Variants in FSIP1 observed in about 807,000 individuals in gnomAD.
The protein encoded by FSIP1 is fibrous sheath interacting protein 1.
In FSIP1, 65 loss-of-function variants were observed where a neutral mutation model predicts 60.9. That is an observed-to-expected ratio of 1.07 (90% CI 0.87 to 1.31). FSIP1 has a LOEUF of 1.31. Among genes scored for constraint, FSIP1 ranks in the 40% most tolerant of loss-of-function variants. The probability of loss-of-function intolerance (pLI) is 0.00; values close to 1 mark genes in which losing one functional copy is unlikely to be tolerated. For synonymous variants in FSIP1, 209 were observed against 221.2 expected, an observed-to-expected ratio of 0.94 and a Z score of 0.49; for missense variants, 675 against 665.5, an observed-to-expected ratio of 1.01 and a Z score of -0.16.
chr15:39,614,669 T>C (rs572173086), intron 11 of FSIP1, among the ~76,000 whole-genome samples: 104 of 149,058 alleles, frequency 7.0e-4, no homozygotes, highest in African/African-American at 2.3e-3. Context: ...AAAAAGAAGA[T>C]GTACCATATT....
At chr15:39,732,590 G>A (rs922418306) in intron 8 of FSIP1, among the ~76,000 whole-genome samples, 3 of 137,590 alleles carry the variant, frequency 2.2e-5, no homozygotes, top group Admixed American at 8.0e-5. Context: ...TTGCACTCCA[G>A]TGTGGGTGAC....
At chr15:39,635,245 G>A (rs751470956) in intron 10 of FSIP1, among the ~76,000 whole-genome samples, 5 of 151,890 alleles carry the variant, frequency 3.3e-5, no homozygotes, top group African/African-American at 4.8e-5. Context: ...TGAGGCAGGA[G>A]AATCGCTTGA....
At chr15:39,771,268 A>T (rs910440482) in intron 2 of FSIP1, among the ~76,000 whole-genome samples, 3 of 152,174 alleles carry the variant, frequency 2.0e-5, no homozygotes, top group Non-Finnish European at 2.9e-5. Context: ...TCAGAAGTTA[A>T]CACAGCCCAA....
intron 10 of FSIP1, among the ~76,000 whole-genome samples, chr15:39,656,087 T>C (rs1022631161): frequency 4.6e-5 from 7 of 151,958 alleles, no homozygotes; most frequent in African/African-American, 1.7e-4. Context: ...GGGGAAGACA[T>C]GAATAGGTTT....
At chr15:39,652,093 A>G (rs1047627287) in intron 10 of FSIP1, among the ~76,000 whole-genome samples, 1 of 152,166 alleles carries the variant, frequency 6.6e-6, no homozygotes, top group African/African-American at 2.4e-5. Flanking sequence ...CAGCTGTGTG[A>G]CTCTGAGTGG....
At chr15:39,692,471 C>A (rs1029314457) in intron 10 of FSIP1, among the ~76,000 whole-genome samples, 7 of 152,054 alleles carry the variant, frequency 4.6e-5, no homozygotes, top group African/African-American at 1.7e-4. Context: ...AAATACAGAG[C>A]ACTTTAGGAA....
chr15:39,627,155 G>T (rs1343854099), intron 10 of FSIP1, among the ~76,000 whole-genome samples: 1 of 152,202 alleles, frequency 6.6e-6, no homozygotes, highest in African/African-American at 2.4e-5. Context: ...ACATTACACT[G>T]CTCAACGTGA....
At chr15:39,763,714 A>G in intron 5 of FSIP1, 107 bp downstream of exon 5, 1 of 666,844 alleles carries the variant, frequency 1.5e-6, no homozygotes, top group Non-Finnish European at 2.7e-6. Flanking sequence ...AGAACAGTCA[A>G]ACTCACAAAG....
At chr15:39,611,979 A>C (rs1891054010) in intron 11 of FSIP1, among the ~76,000 whole-genome samples, 1 of 152,216 alleles carries the variant, frequency 6.6e-6, no homozygotes, top group Non-Finnish European at 1.5e-5. Flanking sequence ...AATTGTAAAC[A>C]TATACACACC....
At chr15:39,694,831 G>GATAT (rs201447597) in intron 10 of FSIP1, among the ~76,000 whole-genome samples, 28 of 151,110 alleles carry the variant, frequency 1.9e-4, no homozygotes, top group African/African-American at 6.8e-4. Context: ...ATAAAAAAAA[G>GATAT]ATATATATAT....
chr15:39,619,382 G>A (rs1482238420), intron 10 of FSIP1, among the ~76,000 whole-genome samples: 1 of 152,082 alleles, frequency 6.6e-6, no homozygotes, highest in African/African-American at 2.4e-5. Context: ...TGAGTATGAG[G>A]ATAATAAGAA....
intron 10 of FSIP1, among the ~76,000 whole-genome samples, chr15:39,621,056 TA>T (rs369925726): frequency 0.14 from 18,468 of 134,738 alleles, 1,279 homozygotes; most frequent in Non-Finnish European, 0.17. Flanking sequence ...GGGCATTTCT[TA>T]AAAAAAAAAA....
chr15:39,766,815 T>C (rs556399457), intron 3 of FSIP1, among the ~76,000 whole-genome samples: 1 of 152,328 alleles, frequency 6.6e-6, no homozygotes, highest in South Asian at 2.1e-4. Flanking sequence ...AAGTGATGTT[T>C]CTCTATAATG....
intron 10 of FSIP1, among the ~76,000 whole-genome samples, chr15:39,659,063 C>A (rs573638026): frequency 4.6e-5 from 7 of 152,240 alleles, no homozygotes; most frequent in Non-Finnish European, 7.4e-5. Context: ...ACACCAAAGA[C>A]CACATATTGT....
chr15:39,696,194 A>G (rs542248276), intron 10 of FSIP1, among the ~76,000 whole-genome samples: 101 of 152,364 alleles, frequency 6.6e-4, no homozygotes, highest in African/African-American at 2.3e-3. Flanking sequence ...ATTGTAGAAC[A>G]GTAAATAAAA....
chr15:39,626,737 A>G (rs1023886221), intron 10 of FSIP1, among the ~76,000 whole-genome samples: 2 of 152,116 alleles, frequency 1.3e-5, no homozygotes, highest in Non-Finnish European at 2.9e-5. Flanking sequence ...AAGTTTCCTA[A>G]GGCCTCCCCA....
chr15:39,607,181 T>C (rs539618903), intron 11 of FSIP1, among the ~76,000 whole-genome samples: 6 of 152,324 alleles, frequency 3.9e-5, no homozygotes, highest in Admixed American at 1.3e-4. Flanking sequence ...AGCTCCCACC[T>C]GACCCTGCTC....
At chr15:39,734,577 AG>A (rs1896538660) in intron 8 of FSIP1, among the ~76,000 whole-genome samples, 1 of 152,258 alleles carries the variant, frequency 6.6e-6, no homozygotes. Context: ...ATGAAATTTT[AG>A]AAACTAATTA....
intron 5 of FSIP1, among the ~76,000 whole-genome samples, chr15:39,745,674 T>C (rs1896968427): frequency 6.6e-6 from 1 of 152,094 alleles, no homozygotes; most frequent in Non-Finnish European, 1.5e-5. Context: ...AACATGCATA[T>C]CTTTGAGATG....
Sources: allele counts gnomAD v4.1 joint callset (sites outside exome capture counted in the v4.1 genomes callset), GRCh38; gene constraint gnomAD v4.1.1; transcripts MANE v1.5; gene names NCBI Gene and HGNC (gene_info 2026-07-23, HGNC 2026-07-21).